Variants in AOX1 observed in about 807,000 individuals in gnomAD.
AOX1 encodes aldehyde oxidase.
AOX1 carries 153 observed loss-of-function variants against 169.5 expected under a neutral mutation model. That is an observed-to-expected ratio of 0.90 (90% confidence interval 0.79 to 1.03). AOX1 has a LOEUF of 1.03. Ranked by LOEUF, AOX1 falls within the 50% of genes least tolerant of loss-of-function variation. The probability of loss-of-function intolerance (pLI) is 0.00; values close to 1 mark genes in which losing one functional copy is unlikely to be tolerated. For synonymous variants in AOX1, 562 were observed against 581.9 expected (o/e 0.97, Z 0.49); for missense variants, 1,656 against 1,663.9 (o/e 1.00, Z 0.08).
At chr2:200,621,877 T>G (rs938426357) in intron 18 of AOX1, among the ~76,000 whole-genome samples, 1 of 152,098 alleles carries the variant, frequency 6.6e-6, no homozygotes, top group Non-Finnish European at 1.5e-5. Context: ...CTCAGCTTCC[T>G]GAGTAGCTGG....
Position 200,586,149 on chromosome 2 carries a change from G to T in AOX1, c.41G>T (p.Arg14Leu), listed in dbSNP as rs774291174. 23 of 1,561,122 alleles carry T rather than the reference G, an allele frequency of 1.5e-5. No homozygotes were observed. In the African/African-American group the frequency reaches 1.6e-4, roughly 11 times the overall value. ...ASELLFYVNG[R>L]KVIEKNVDPE... The stretch of plus-strand genomic sequence containing the variant: ...GAGCTGCTCTTCTACGTGAACGGCC[G>T]CAAGGTGAGCGCCCGCGGGCTTCCT... Residue 14 changes from arginine to leucine, a missense_variant, in exon 1 of 35, where the codon CGC becomes CTC. Physicochemically the swap from Arg to Leu is moderately radical, Grantham distance 102 (BLOSUM62 -2). Transcript: ENST00000374700.
intron 1 of AOX1, among the ~76,000 whole-genome samples, chr2:200,586,991 G>C (rs1045240388): frequency 6.6e-6 from 1 of 152,132 alleles, no homozygotes; most frequent in African/African-American, 2.4e-5. Flanking sequence ...GAGCTCCCTT[G>C]AGAGCTGTGG....
intron 25 of AOX1, among the ~76,000 whole-genome samples, chr2:200,648,494 T>A (rs920493693): frequency 2.0e-5 from 3 of 152,082 alleles, no homozygotes; most frequent in Non-Finnish European, 4.4e-5. Context: ...GTGGAGGTGA[T>A]GGAGGGTGCA....
intron 4 of AOX1, among the ~76,000 whole-genome samples, chr2:200,597,787 C>T (rs975646259): frequency 5.9e-5 from 9 of 152,206 alleles, no homozygotes; most frequent in Non-Finnish European, 1.0e-4. Context: ...TTCGATGGGA[C>T]CTATCTATTT....
At chr2:200,638,640 G>C (rs1376887856) in intron 23 of AOX1, among the ~76,000 whole-genome samples, 1 of 152,124 alleles carries the variant, frequency 6.6e-6, no homozygotes, top group African/African-American at 2.4e-5. Flanking sequence ...AGAGGTAAAA[G>C]TAGAATAATT....
At chr2:200,679,602 G>T (rs564668516), downstream of AOX1, among the ~76,000 whole-genome samples, 50 of 152,130 alleles carry the variant, frequency 3.3e-4, no homozygotes, top group East Asian at 1.2e-3. Context: ...ATTACTATTT[G>T]AGGCTTATTA....
At chr2:200,610,076 CTT>C (rs11420110) in intron 12 of AOX1, among the ~76,000 whole-genome samples, 3 of 145,772 alleles carry the variant, frequency 2.1e-5, no homozygotes, top group African/African-American at 2.5e-5. Context: ...ATAAAACTAT[CTT>C]TTTTTTTTTT....
intron 27 of AOX1, among the ~76,000 whole-genome samples, 179 bp downstream of exon 27, chr2:200,657,116 G>A (rs2035704276): frequency 6.9e-6 from 1 of 144,648 alleles, no homozygotes; most frequent in South Asian, 2.2e-4. Context: ...TTAAGTGAAG[G>A]AGTTCGAGAC....
intron 28 of AOX1, 114 bp from the exon 29 acceptor site, chr2:200,659,876 GTCTTA>G: frequency 4.0e-6 from 3 of 743,518 alleles, no homozygotes; most frequent in Non-Finnish European, 6.6e-6. Flanking sequence ...CAGGGTTGGT[GTCTTA>G]TTTTTCCATG....
chr2:200,651,452 T>A (rs2035579366), intron 26 of AOX1, among the ~76,000 whole-genome samples: 1 of 152,190 alleles, frequency 6.6e-6, no homozygotes, highest in Non-Finnish European at 1.5e-5. Context: ...TGAGGTTTAC[T>A]CCTGGCCCTG....
rs547015532 is a variant in AOX1, at chr2:200,635,363, C to G, written c.2346+448C>G. ...ACAAGAGAAGAAAGAGGAAGACCTG[C>G]TCTCCAAAGCCTATGGTGCCTAACT... On this transcript the variant is annotated intron_variant, in intron 21 of 34. Coordinates refer to ENST00000374700, the MANE Select transcript of AOX1 (RefSeq NM_001159.4). 3.7e-4 allele frequency among the ~76,000 whole-genome samples: 56 copies of G among 152,320 alleles called. No homozygotes were observed. In the Middle Eastern group the frequency reaches 0.014, roughly 37 times the overall value.
At position 200,601,810 on chromosome 2, in the gene AOX1, G is replaced by A. The variant is rs542572041; in HGVS notation, c.437-474G>A. On this transcript the variant is annotated intron_variant, in intron 5 of 34. Transcript: ENST00000374700. The stretch of plus-strand genomic sequence containing the variant: ...TAGCCTGACCTGGTGGTGCACACCT[G>A]TAGTCCCAGCTACTCGGGGGGCTGA... Among the ~76,000 whole-genome samples, 85 of 152,092 alleles carry A rather than the reference G, an allele frequency of 5.6e-4. 1 individual carries two copies. The highest frequency in any genetic ancestry group is 2.0e-3 in the African/African-American group (84 of 41,482).
intron 15 of AOX1, 141 bp from the exon 16 acceptor site, chr2:200,615,830 G>T: frequency 1.6e-6 from 1 of 613,212 alleles, no homozygotes; most frequent in Non-Finnish European, 2.9e-6. Context: ...TGTATTTCTG[G>T]GGTTCTGAAT....
At position 200,605,647 on chromosome 2, in the gene AOX1, G is replaced by C. The variant is rs1390325170; in HGVS notation, c.907+19G>C. 1 of 1,283,194 alleles carries C rather than the reference G, an allele frequency of 7.8e-7. No individual in the cohort carries two copies. Among genetic ancestry groups the C allele is most frequent in the Non-Finnish European group, 1.1e-6 (1 of 942,854 alleles). 79.5% of individuals were successfully genotyped at this position (1,283,194 alleles called of 1,614,324 possible). A position where few individuals can be genotyped will look rare whatever the true frequency, so the allele number is the denominator to read the frequency against. On this transcript the variant is annotated intron_variant, in intron 10 of 34. Transcript: ENST00000374700. ...TATAATGGTGAGTTCTCAAGTCCCT[G>C]TTTTCTTAGTTAAGATGCATTAATC... is the stretch of plus-strand genomic sequence containing the variant.
chr2:200,604,752 G>A lies in AOX1; in HGVS notation c.726G>A (p.Met242Ile), dbSNP rs749270535. ...RTRVFGSERMMWFSPVTLKEL... is the reference protein window; with the variant it reads ...RTRVFGSERMIWFSPVTLKEL... ...GGGTGTTTGGCAGTGAGAGAATGATGTGGTTTTCCCCCGTGACCCTGAAGG... is the reference window on the plus strand; with the variant it reads ...GGGTGTTTGGCAGTGAGAGAATGATATGGTTTTCCCCCGTGACCCTGAAGG... Residue 242 changes from methionine (M) to isoleucine (I), a missense_variant, in exon 9 of 35, where the codon ATG becomes ATA. Transcript: ENST00000374700. The A allele has an allele frequency of 1.5e-5, 25 of 1,613,966 alleles. No homozygotes were observed. Among genetic ancestry groups the A allele is most frequent in the Non-Finnish European group, 1.9e-5 (23 of 1,180,004 alleles).
At chr2:200,589,243 G>A (rs1311865210) in intron 1 of AOX1, among the ~76,000 whole-genome samples, 21 of 152,272 alleles carry the variant, frequency 1.4e-4, no homozygotes, top group African/African-American at 4.8e-4. Flanking sequence ...TAGTTGCAGA[G>A]AGATTTCTGA....
chr2:200,620,777 T>C lies in AOX1; in HGVS notation c.1832T>C (p.Phe611Ser). Residue 611 changes from phenylalanine to serine, a missense_variant, in exon 17 of 35, where the codon TTC (phenylalanine) becomes TCC (serine). Coordinates refer to ENST00000374700, the MANE Select transcript of AOX1 (RefSeq NM_001159.4). ...DDMPLVDQEL[F>S]LTFVTSSRAH... is the part of the protein sequence containing the mutation. ...ATGCCTCTGGTGGACCAGGAACTTT[T>C]CTTGACTTTTGTGACTAGTTCAAGA... The C allele has an allele frequency of 1.9e-6, 3 of 1,606,876 alleles. No individual in the cohort carries two copies. The highest frequency in any genetic ancestry group is 2.5e-6 in the Non-Finnish European group (3 of 1,178,072).
chr2:200,643,976 T>C (rs1300415697), intron 25 of AOX1, among the ~76,000 whole-genome samples: 2 of 152,212 alleles, frequency 1.3e-5, no homozygotes, highest in Non-Finnish European at 2.9e-5. Context: ...GTCAGATGTA[T>C]AGATTGTGAG....
At chr2:200,666,802 C>T (rs772106546) in intron 32 of AOX1, 50 bp downstream of exon 32, 41 of 1,349,884 alleles carry the variant, frequency 3.0e-5, no homozygotes, top group Middle Eastern at 1.8e-4. Context: ...GCCAAAAGTG[C>T]GGTGGGGTCT....
Sources: gnomAD v4.1 joint callset for allele counts (sites outside exome capture counted in the v4.1 genomes callset) on GRCh38, gnomAD v4.1.1 for gene constraint, MANE v1.5 for transcripts, NCBI Gene and HGNC (gene_info 2026-07-23, HGNC 2026-07-21) for gene names.